OCM2: variants seen among roughly 807,000 people sequenced by gnomAD.
The protein encoded by OCM2 is oncomodulin-2.
A neutral mutation model predicts 13.6 loss-of-function variants in OCM2; 6 were observed. That is an observed-to-expected ratio of 0.44 (90% CI 0.24 to 0.87). OCM2 has a LOEUF of 0.87. Among genes scored for constraint, OCM2 ranks in the 40% least tolerant of loss-of-function variants. OCM2 has a pLI of 0.22. For synonymous variants in OCM2, 40 were observed against 50.7 expected (o/e 0.79, Z 0.90); for missense variants, 118 against 136.8 (o/e 0.86, Z 0.68).
At chr7:97,989,763 A>G (rs1316169235) in intron 1 of OCM2, among the ~76,000 whole-genome samples, 1 of 150,734 alleles carries the variant, frequency 6.6e-6, no homozygotes, top group Non-Finnish European at 1.5e-5. Context: ...GGTTCAAGCA[A>G]TTCTCAGCCT....
rs745472944 is a variant in OCM2 at position 97,984,990 on chromosome 7, C to G, written c.305-7G>C. 1 of 1,614,058 alleles carries G rather than the reference C, an allele frequency of 6.2e-7. No homozygotes were observed. Among genetic ancestry groups the G allele is most frequent in the Admixed American group, 1.7e-5 (1 of 60,000 alleles). ...TGCACCATTTCCTGGAATTCTAGAA[C>G]AGAAGAGGTGAGAACAGGGTCAGTG... On this transcript the variant is annotated splice_region_variant and splice_polypyrimidine_tract_variant and intron_variant, in intron 3 of 3. Transcript: ENST00000257627.
chr7:97,988,290 T>C lies in OCM2; in HGVS notation c.194+126A>G, dbSNP rs1045721815. On this transcript the variant is annotated intron_variant, in intron 2 of 3. Coordinates refer to ENST00000257627, the Ensembl canonical transcript of OCM2. ...AACTGACTCATGTCCTTTGCTTTAATGATGCTTGGCCGAATGACCAACACC... is the reference window on the plus strand; with the variant it reads ...AACTGACTCATGTCCTTTGCTTTAACGATGCTTGGCCGAATGACCAACACC... The C allele has an allele frequency of 4.1e-5, 49 of 1,202,574 alleles. No individual in the cohort carries two copies. The African/African-American group carries it at 6.9e-4, about 17-fold the overall frequency. The allele number at this position is 1,202,574 out of a possible 1,614,324, so 74.5% of individuals were successfully genotyped here. A position where few individuals can be genotyped will look rare whatever the true frequency, so the allele number is the denominator to read the frequency against.
rs923963362 is a variant in OCM2, at chr7:97,986,957, T to C, written c.304+90A>G. 3.8e-5 allele frequency: 60 copies of C among 1,577,848 alleles called. No individual in the cohort carries two copies. In the African/African-American group the frequency reaches 6.9e-4, roughly 18 times the overall value. ...CGGTAAGGTTAAGAAAGGGAGATTT[T>C]AAGCCACATTGGTTTGATCTCACAG... is the stretch of plus-strand genomic sequence containing the variant. On this transcript the variant is annotated intron_variant, in intron 3 of 3. Transcript: ENST00000257627.
chr7:97,985,756 C>G (rs570071425), intron 3 of OCM2, among the ~76,000 whole-genome samples: 5 of 151,976 alleles, frequency 3.3e-5, no homozygotes, highest in Non-Finnish European at 7.4e-5. Context: ...TGACTTTCCT[C>G]CATTGAACCA....
At chr7:97,988,652 C>A in intron 1 of OCM2, 104 bp from the exon 2 acceptor site, 11 of 1,469,468 alleles carry the variant, frequency 7.5e-6, no homozygotes, top group Non-Finnish European at 1.0e-5. Flanking sequence ...CAACAATATC[C>A]CTGAGCTACG....
At chr7:97,984,826 C>T in exon 4 of OCM2, 5 of 1,226,274 alleles carry the variant, frequency 4.1e-6, no homozygotes, top group Non-Finnish European at 4.6e-6. Context: ...AAACAATGAG[C>T]AAACTGCAGA....
At chr7:97,988,933 C>CT (rs67400420) in intron 1 of OCM2, among the ~76,000 whole-genome samples, 57,039 of 134,548 alleles carry the variant, frequency 0.42, 12,911 homozygotes, top group African/African-American at 0.57. Flanking sequence ...TTCTTTCTTT[C>CT]TTTTTTTTTT....
intron 1 of OCM2, 95 bp downstream of exon 1, chr7:97,989,949 C>A (rs376622785): frequency 7.8e-7 from 1 of 1,289,174 alleles, no homozygotes; most frequent in African/African-American, 1.5e-5. Flanking sequence ...TGAGCCACTG[C>A]GTCTGGCCGC....
chr7:97,988,974 A>G (rs558356116), intron 1 of OCM2, among the ~76,000 whole-genome samples: 2 of 141,362 alleles, frequency 1.4e-5, no homozygotes, highest in South Asian at 4.4e-4. Flanking sequence ...CTCTGTCGCC[A>G]GGCTGGAGTG....
intron 3 of OCM2, among the ~76,000 whole-genome samples, chr7:97,986,187 A>G (rs1794669505): frequency 6.6e-6 from 1 of 152,222 alleles, no homozygotes; most frequent in African/African-American, 2.4e-5. Flanking sequence ...TGCTGGGATT[A>G]TAGGCCTGAG....
At chr7:97,988,036 T>C (rs1426036561) in intron 2 of OCM2, among the ~76,000 whole-genome samples, 5 of 151,782 alleles carry the variant, frequency 3.3e-5, no homozygotes, top group African/African-American at 7.3e-5. Flanking sequence ...ACTCTAAATA[T>C]GAAAATTAGC....
In OCM2 at chr7:97,984,923, A is replaced by G. The variant is rs773392801; in HGVS notation, c.*35T>C. ...GGCTTTGGAATCCTTCCAGGTGATTATCCCTTTCTCTCTTTTCTCCAGAGA... is the reference window on the plus strand; with the variant it reads ...GGCTTTGGAATCCTTCCAGGTGATTGTCCCTTTCTCTCTTTTCTCCAGAGA... On this transcript the variant is annotated 3_prime_UTR_variant, in exon 4 of 4. Transcript: ENST00000257627. The G allele has an allele frequency of 2.5e-6, 4 of 1,595,576 alleles. No homozygotes were observed. The East Asian group carries it at 8.9e-5, about 36-fold the overall frequency.
chr7:97,989,953 TG>T, intron 1 of OCM2, 90 bp downstream of exon 1: 2 of 1,351,044 alleles, frequency 1.5e-6, no homozygotes, highest in Non-Finnish European at 2.1e-6. Flanking sequence ...CCACTGCGTC[TG>T]GCCGCCTGGC....
At chr7:97,987,511 A>G (rs1305108558) in intron 2 of OCM2, among the ~76,000 whole-genome samples, 1 of 151,590 alleles carries the variant, frequency 6.6e-6, no homozygotes, top group Non-Finnish European at 1.5e-5. Context: ...ATGCCCCACT[A>G]ACATTTGTAT....
At chr7:97,985,503 G>C (rs924966331) in intron 3 of OCM2, among the ~76,000 whole-genome samples, 2 of 151,912 alleles carry the variant, frequency 1.3e-5, no homozygotes, top group African/African-American at 4.8e-5. Flanking sequence ...AGTCCACAGG[G>C]TTCCTTTTCT....
exon 2 of OCM2, chr7:97,988,427 T>C (rs143153590): frequency 6.2e-7 from 1 of 1,614,152 alleles, no homozygotes; most frequent in East Asian, 2.2e-5. Flanking sequence ...TAAGCTCTTC[T>C]TCATCCAGAT....
At chr7:97,988,609 A>G in intron 1 of OCM2, 61 bp from the exon 2 acceptor site, 1 of 1,600,980 alleles carries the variant, frequency 6.2e-7, no homozygotes, top group South Asian at 1.1e-5. Flanking sequence ...GTTGGGGCCA[A>G]GGTACTGAAA....
At chr7:97,985,013 G>A in intron 3 of OCM2, 30 bp from the exon 4 acceptor site, 1 of 1,614,076 alleles carries the variant, frequency 6.2e-7, no homozygotes, top group East Asian at 2.2e-5. Flanking sequence ...AACAGGGTCA[G>A]TGGAGGTGGC....
chr7:97,987,603 C>T (rs112695751), intron 2 of OCM2, among the ~76,000 whole-genome samples: 1 of 152,106 alleles, frequency 6.6e-6, no homozygotes, highest in Non-Finnish European at 1.5e-5. Context: ...ATCCACCCAC[C>T]TCAGCCTCCC....
Sources: gnomAD v4.1 joint callset for allele counts (sites outside exome capture counted in the v4.1 genomes callset) on GRCh38, gnomAD v4.1.1 for gene constraint, MANE v1.5 for transcripts, NCBI Gene and HGNC (gene_info 2026-07-23, HGNC 2026-07-21) for gene names.